The following FSD2 variants were observed in gnomAD, a reference collection of about 807,000 sequenced individuals.
The protein encoded by FSD2 is fibronectin type III and SPRY domain-containing protein 2.
Under a neutral mutation model 80.4 loss-of-function variants are expected in FSD2, and 71 were observed. The observed-to-expected ratio is 0.88, with a 90% CI of 0.73 to 1.08. FSD2 has a LOEUF of 1.08. Ranked by LOEUF, FSD2 falls within the 50% of genes least tolerant of loss-of-function variation. The pLI, the probability that FSD2 is intolerant of heterozygous loss-of-function variation, is 0.00. For synonymous variants in FSD2, 361 were observed against 329.5 expected, an observed-to-expected ratio of 1.10 and a Z score of -1.03; for missense variants, 923 against 913.8, an observed-to-expected ratio of 1.01 and a Z score of -0.13.
intron 1 of FSD2, among the ~76,000 whole-genome samples, chr15:82,797,702 T>C (rs1033699376): frequency 6.6e-6 from 1 of 151,806 alleles, no homozygotes; most frequent in Non-Finnish European, 1.5e-5. Flanking sequence ...CCCAGCTACT[T>C]GGGAGGCTGA....
rs1441595901 is a variant in FSD2, at chr15:82,757,446, C to T, written c.*1902G>A. 6.6e-6 allele frequency: 1 copy of T among 150,816 alleles called. No homozygotes were observed. The highest frequency in any genetic ancestry group is 2.0e-4 in the East Asian group (1 of 5,108). The allele number at this position is 150,816 out of a possible 1,614,324, so 9.3% of individuals were successfully genotyped here. A position where few individuals can be genotyped will look rare whatever the true frequency, so the allele number is the denominator to read the frequency against. On this transcript the variant is annotated 3_prime_UTR_variant, in exon 13 of 13. Coordinates refer to ENST00000334574, the MANE Select transcript of FSD2 (RefSeq NM_001007122.4). ...TCCCGGGTTCACGCCATTCTCCTGC[C>T]TCAGCCTCCCGAGTAGCTGGGACTA...
intron 1 of FSD2, among the ~76,000 whole-genome samples, chr15:82,791,336 G>A (rs2050146817): frequency 6.6e-6 from 1 of 151,612 alleles, no homozygotes; most frequent in Non-Finnish European, 1.5e-5. Context: ...TATGTGCAGT[G>A]ATCACCACAG....
chr15:82,770,054 C>G (rs956453815), intron 7 of FSD2, among the ~76,000 whole-genome samples, 170 bp from the exon 8 acceptor site: 4 of 152,196 alleles, frequency 2.6e-5, no homozygotes, highest in African/African-American at 7.2e-5. Context: ...TCAGAGCTTC[C>G]TTCCTTCTCT....
intron 7 of FSD2, among the ~76,000 whole-genome samples, chr15:82,771,476 C>G (rs1225654818): frequency 6.6e-6 from 1 of 152,206 alleles, no homozygotes; most frequent in Non-Finnish European, 1.5e-5. Flanking sequence ...ATGGGGGGCC[C>G]TACCCCAGCT....
intron 1 of FSD2, among the ~76,000 whole-genome samples, chr15:82,804,791 G>A (rs999369469): frequency 2.0e-4 from 30 of 152,220 alleles, no homozygotes; most frequent in African/African-American, 5.8e-4. Flanking sequence ...CTTGCCCTTC[G>A]AACACACAAC....
chr15:82,769,825 G>A lies in FSD2; in HGVS notation c.1327C>T (p.Gln443Ter). 1.9e-6 allele frequency: 3 copies of A among 1,613,886 alleles called. No homozygotes were observed. Among genetic ancestry groups the A allele is most frequent in the Non-Finnish European group, 2.5e-6 (3 of 1,179,882 alleles). ...CSVTNLVPNT[Q>*]YEFWVTAHNR... ...TGAGCTGTGACCCAAAATTCATACT[G>A]GGTATTTGGCACAAGGTTTGTCACT... The change falls in exon 8 of 13, where the codon CAG (glutamine) becomes TAG (stop). Residue 443 changes from glutamine to a stop codon, truncating the protein, a stop_gained. Coordinates refer to ENST00000334574, the MANE Select transcript of FSD2 (RefSeq NM_001007122.4). LOFTEE classifies it high-confidence loss of function.
intron 6 of FSD2, among the ~76,000 whole-genome samples, chr15:82,773,329 G>T (rs537644633): frequency 6.6e-6 from 1 of 152,174 alleles, no homozygotes; most frequent in African/African-American, 2.4e-5. Flanking sequence ...TGTGACAGAG[G>T]TGAGGAGGAA....
rs2049173262 is a variant in FSD2 at position 82,756,168 on chromosome 15, G to C, written c.*3180C>G. ...GACATAGTGAACATGTGAGAATCTT[G>C]CTCTACTAATTGATAGGAAGGTGAC... On this transcript the variant is annotated 3_prime_UTR_variant, in exon 13 of 13. Transcript: ENST00000334574. The C allele has an allele frequency of 3.2e-6, 1 of 312,952 alleles. No homozygotes were observed. The highest frequency in any genetic ancestry group is 3.5e-5 in the Admixed American group (1 of 28,472). The allele number at this position is 312,952 out of a possible 1,614,324, so 19.4% of individuals were successfully genotyped here. A position where few individuals can be genotyped will look rare whatever the true frequency, so the allele number is the denominator to read the frequency against.
chr15:82,779,925 G>A (rs1166274776), intron 5 of FSD2, among the ~76,000 whole-genome samples: 1 of 152,110 alleles, frequency 6.6e-6, no homozygotes, highest in Non-Finnish European at 1.5e-5. Context: ...TCTGGGTCCA[G>A]GCATAGTGGG....
At position 82,759,384 on chromosome 15, in the gene FSD2, A is replaced by G; in HGVS notation, c.2214T>C (p.Asn738=). 1.9e-6 allele frequency: 3 copies of G among 1,613,684 alleles called. No individual in the cohort carries two copies. Among genetic ancestry groups the G allele is most frequent in the Middle Eastern group, 1.6e-4 (1 of 6,062 alleles). Residue 738 remains asparagine (N), a synonymous_variant, in exon 13 of 13, where the codon AAT becomes AAC. Coordinates refer to ENST00000334574, the MANE Select transcript of FSD2 (RefSeq NM_001007122.4). ...TGACATGTTTTGGCATTGAAATGCC[A>G]TTATGTACCTTTAGACACCCAGGCT... The part of the protein sequence containing the change: ...LEKPGCLKVH[N]GISMPKHVTF...
intron 1 of FSD2, among the ~76,000 whole-genome samples, chr15:82,794,845 C>A (rs904464207): frequency 2.6e-5 from 4 of 152,000 alleles, no homozygotes; most frequent in Admixed American, 6.6e-5. Context: ...CTGCCTCAGC[C>A]TCCCGAGTAG....
At chr15:82,773,597 A>G (rs77146013) in intron 6 of FSD2, among the ~76,000 whole-genome samples, 3,190 of 152,286 alleles carry the variant, frequency 0.021, 116 homozygotes, top group African/African-American at 0.073. Flanking sequence ...CCCAATGACT[A>G]ATGATCATTT....
At chr15:82,784,255 A>AT (rs1001596532) in intron 3 of FSD2, among the ~76,000 whole-genome samples, 23 of 150,164 alleles carry the variant, frequency 1.5e-4, no homozygotes, top group South Asian at 2.1e-4. Context: ...ATTTTATTTT[A>AT]TTTTTTTTTT....
chr15:82,781,297 T>C (rs2049849089), intron 4 of FSD2, among the ~76,000 whole-genome samples: 1 of 152,198 alleles, frequency 6.6e-6, no homozygotes, highest in African/African-American at 2.4e-5. Flanking sequence ...GGCCCACTAG[T>C]TCAAGAGGTA....
intron 1 of FSD2, among the ~76,000 whole-genome samples, chr15:82,804,098 G>A (rs1384329910): frequency 1.3e-5 from 2 of 152,078 alleles, no homozygotes. Context: ...TCCCACCTGG[G>A]CTAGAAGCCT....
At chr15:82,800,691 C>CAAA (rs769762172) in intron 1 of FSD2, among the ~76,000 whole-genome samples, 7,342 of 47,728 alleles carry the variant, frequency 0.15, 1,075 homozygotes, top group South Asian at 0.32. Flanking sequence ...GATTCTGTCT[C>CAAA]AAAAAAAAAA....
At chr15:82,782,104 T>TAATAATAATAAA (rs749972634) in intron 4 of FSD2, among the ~76,000 whole-genome samples, 4,736 of 118,612 alleles carry the variant, frequency 0.04, 149 homozygotes, top group East Asian at 0.089. Flanking sequence ...ATAATAATAA[T>TAATAATAATAAA]AAAACTCTTG....
chr15:82,762,544 T>C (rs1186019840), intron 11 of FSD2, among the ~76,000 whole-genome samples: 1 of 152,154 alleles, frequency 6.6e-6, no homozygotes, highest in Non-Finnish European at 1.5e-5. Context: ...TTTAAAATGG[T>C]TGGGGCTTTC....
chr15:82,778,700 A>G lies in FSD2; in HGVS notation c.1111+66T>C. ...GATAGATCTCATGCTAAGTGTTCTC[A>G]TCACAAGAAAGAAAAAAGCTCTGGG... is the stretch of plus-strand genomic sequence containing the variant. On this transcript the variant is annotated intron_variant, in intron 6 of 12. Transcript: ENST00000334574. The G allele has an allele frequency of 2.6e-6, 4 of 1,513,024 alleles. No homozygotes were observed. The South Asian group carries it at 5.1e-5, about 19-fold the overall frequency. 93.7% of individuals were successfully genotyped at this position (1,513,024 alleles called of 1,614,324 possible). A position where few individuals can be genotyped will look rare whatever the true frequency, so the allele number is the denominator to read the frequency against.
Sources: gnomAD v4.1 joint callset for allele counts (sites outside exome capture counted in the v4.1 genomes callset) on GRCh38, gnomAD v4.1.1 for gene constraint, MANE v1.5 for transcripts, NCBI Gene and HGNC (gene_info 2026-07-23, HGNC 2026-07-21) for gene names.